NAV3: variants seen among roughly 807,000 people sequenced by gnomAD.
NAV3 encodes the protein pore membrane and/or filament interacting like protein 1.
NAV3 carries 87 observed loss-of-function variants against 244.7 expected under a neutral mutation model. The observed-to-expected ratio is 0.36, with a 90% CI of 0.30 to 0.42. The LOEUF is 0.42. NAV3 is among the 20% of genes least tolerant of loss of function. The pLI is 1.00. For synonymous variants in NAV3, 1,126 were observed against 1,042.2 expected, an observed-to-expected ratio of 1.08 and a Z score of -1.55; for missense variants, 2,663 against 2,893.3, an observed-to-expected ratio of 0.92 and a Z score of 1.83.
intron 1 of NAV3, among the ~76,000 whole-genome samples, chr12:77,910,467 G>A (rs1886469711): frequency 6.6e-6 from 1 of 152,140 alleles, no homozygotes; most frequent in Admixed American, 6.6e-5. Context: ...CCTACTTCCA[G>A]TATTGGAGAT....
chr12:78,106,845 T>G (rs1954827444), intron 12 of NAV3, among the ~76,000 whole-genome samples: 1 of 152,198 alleles, frequency 6.6e-6, no homozygotes, highest in African/African-American at 2.4e-5. Flanking sequence ...CACTAGGGCC[T>G]GAAGCCTGGC....
At chr12:78,045,740 C>T (rs1881678337) in intron 9 of NAV3, among the ~76,000 whole-genome samples, 1 of 152,162 alleles carries the variant, frequency 6.6e-6, no homozygotes, top group Admixed American at 6.6e-5. Flanking sequence ...ATGATGCTGG[C>T]CTCATAAAAT....
chr12:77,639,146 T>C lies in NAV3; in HGVS notation c.72+66880T>C, dbSNP rs546963887. Among the ~76,000 whole-genome samples, 10 of 152,330 alleles carry C rather than the reference T, an allele frequency of 6.6e-5. No homozygotes were observed. The South Asian group carries it at 2.1e-3, about 32-fold the overall frequency. On this transcript the variant is annotated intron_variant, in intron 2 of 8. Transcript: ENST00000550042. ...TTGGGGTAGCTGGACTATCTCCATT[T>C]GGATTTGGATTCCCAATAAATCTAG...
In NAV3 at chr12:78,148,913, A is replaced by G. The variant is rs751742640; in HGVS notation, c.4779A>G (p.Ser1593=). 2 of 1,610,970 alleles carry G rather than the reference A, an allele frequency of 1.2e-6. No individual in the cohort carries two copies. The highest frequency in any genetic ancestry group is 1.1e-5 in the South Asian group (1 of 90,928). The change falls in exon 22 of 40, where the codon TCA becomes TCG. Residue 1593 remains serine (S), a synonymous_variant. Transcript: ENST00000397909. ...TTGCTACCCTCACATCTCAGCTTTC[A>G]GCAAATGTAAGTCACTTCATTTTTA... ...EKVATLTSQL[S]ANAHLVAAFE...
At chr12:77,741,851 A>G (rs927041081) in intron 2 of NAV3, among the ~76,000 whole-genome samples, 9 of 152,058 alleles carry the variant, frequency 5.9e-5, no homozygotes, top group Non-Finnish European at 7.4e-5. Context: ...GCTTTTTGGC[A>G]TTAATTGATG....
At chr12:77,883,815 C>CT (rs1882962607) in intron 1 of NAV3, among the ~76,000 whole-genome samples, 1 of 151,870 alleles carries the variant, frequency 6.6e-6, no homozygotes, top group South Asian at 2.1e-4. Context: ...TTCTGTTTTT[C>CT]TTTTATCTTT....
intron 18 of NAV3, among the ~76,000 whole-genome samples, chr12:78,135,945 C>T (rs1463662300): frequency 6.6e-6 from 1 of 152,156 alleles, no homozygotes; most frequent in Non-Finnish European, 1.5e-5. Flanking sequence ...TCCTTTTACT[C>T]CAATCAATAA....
At chr12:78,175,177 CATTGAA>C in intron 24 of NAV3, 123 bp from the exon 25 acceptor site, 1 of 922,002 alleles carries the variant, frequency 1.1e-6, no homozygotes, top group Non-Finnish European at 1.6e-6. Flanking sequence ...GTCAAAACTG[CATTGAA>C]ATTATCTGTA....
At position 78,030,427 on chromosome 12, in the gene NAV3, G is replaced by T. The variant is rs55996789; in HGVS notation, c.2023+8565G>T. On this transcript the variant is annotated intron_variant, in intron 9 of 39. Transcript: ENST00000397909. ...TCCAAGACTGTTTGAAATGTGGAAA[G>T]AGAAATGTTCTAGGAATTGGAAAAA... Among the ~76,000 whole-genome samples, 1,352 of 152,278 alleles carry T rather than the reference G, an allele frequency of 8.9e-3. 12 individuals carry two copies. The highest frequency in any genetic ancestry group is 0.013 in the Non-Finnish European group (908 of 68,026).
intron 2 of NAV3, among the ~76,000 whole-genome samples, chr12:77,656,161 G>A: frequency 6.7e-6 from 1 of 149,472 alleles, no homozygotes; most frequent in South Asian, 2.1e-4. Context: ...ACACAGACTG[G>A]CAAATTGGAT....
intron 2 of NAV3, among the ~76,000 whole-genome samples, chr12:77,594,893 G>T (rs1870096234): frequency 6.6e-6 from 1 of 152,136 alleles, no homozygotes; most frequent in African/African-American, 2.4e-5. Flanking sequence ...TGCTTCTGTG[G>T]TAGAAGATCC....
At chr12:77,825,125 T>G (rs1384448541) in intron 2 of NAV3, among the ~76,000 whole-genome samples, 1 of 152,152 alleles carries the variant, frequency 6.6e-6, no homozygotes, top group African/African-American at 2.4e-5. Context: ...AGAAAATAAT[T>G]CTTTCAAAAA....
At chr12:78,025,071 T>TA (rs1877796663) in intron 9 of NAV3, among the ~76,000 whole-genome samples, 1 of 152,148 alleles carries the variant, frequency 6.6e-6, no homozygotes, top group Non-Finnish European at 1.5e-5. Context: ...TGGCATGCTG[T>TA]AAAAAGAGTA....
intron 2 of NAV3, among the ~76,000 whole-genome samples, chr12:77,804,328 G>A (rs1871860994): frequency 6.6e-6 from 1 of 152,064 alleles, no homozygotes; most frequent in Non-Finnish European, 1.5e-5. Context: ...TTTTGTATAA[G>A]GTGTAAGTTT....
At chr12:77,882,018 G>T (rs1274852036) in intron 1 of NAV3, among the ~76,000 whole-genome samples, 2 of 151,990 alleles carry the variant, frequency 1.3e-5, no homozygotes, top group Non-Finnish European at 2.9e-5. Context: ...TTTTAAAGAT[G>T]CAATGCTATT....
At chr12:77,754,721 T>G (rs1323816938) in intron 2 of NAV3, among the ~76,000 whole-genome samples, 4 of 152,170 alleles carry the variant, frequency 2.6e-5, no homozygotes, top group Non-Finnish European at 5.9e-5. Context: ...TAATGTTCCT[T>G]TTGGCTGTGC....
intron 2 of NAV3, among the ~76,000 whole-genome samples, chr12:77,659,908 A>G (rs1403326310): frequency 2.1e-5 from 3 of 145,028 alleles, no homozygotes; most frequent in Non-Finnish European, 3.0e-5. Context: ...GAATTGAACA[A>G]TGAGAACACA....
upstream of NAV3, among the ~76,000 whole-genome samples, chr12:77,826,941 A>G (rs536285518): frequency 6.6e-6 from 1 of 152,132 alleles, no homozygotes; most frequent in Non-Finnish European, 1.5e-5. Flanking sequence ...GGAATGTGAG[A>G]CCAGGCACAG....
intron 12 of NAV3, among the ~76,000 whole-genome samples, chr12:78,099,694 A>C (rs1476314854): frequency 6.6e-6 from 1 of 151,966 alleles, no homozygotes; most frequent in Admixed American, 6.6e-5. Context: ...ATGAGCATTG[A>C]ATTAAACTAC....
Sources: allele counts gnomAD v4.1 joint callset (sites outside exome capture counted in the v4.1 genomes callset), GRCh38; gene constraint gnomAD v4.1.1; transcripts MANE v1.5; gene names NCBI Gene and HGNC (gene_info 2026-07-23, HGNC 2026-07-21).